UBE2R2: variants seen among roughly 807,000 people sequenced by gnomAD.
UBE2R2 encodes ubiquitin-conjugating enzyme E2 R2.
Under a neutral mutation model 27.8 loss-of-function variants are expected in UBE2R2, and 1 was observed. The ratio of observed to expected loss-of-function variants is 0.04; its 90% CI spans 0.01 to 0.17. UBE2R2 has a LOEUF of 0.17. UBE2R2 is among the 10% of genes least tolerant of loss of function. The probability of loss-of-function intolerance (pLI) is 1.00; values close to 1 mark genes in which losing one functional copy is unlikely to be tolerated. For missense variants in UBE2R2, 100 were observed against 291.0 expected, an observed-to-expected ratio of 0.34 and a Z score of 4.78; for synonymous variants, 106 against 113.3, an observed-to-expected ratio of 0.94 and a Z score of 0.41.
chr9:33,893,056 G>A (rs1301558612), intron 2 of UBE2R2, among the ~76,000 whole-genome samples: 1 of 152,166 alleles, frequency 6.6e-6, no homozygotes, highest in Admixed American at 6.6e-5. Flanking sequence ...CTGGGTGACA[G>A]AGCAAGACTG....
intron 1 of UBE2R2, among the ~76,000 whole-genome samples, chr9:33,879,750 CTTTTTTTTTTTTTTT>C (rs66929161): frequency 1.5e-5 from 1 of 67,364 alleles, no homozygotes; most frequent in Non-Finnish European, 2.9e-5. Flanking sequence ...GGTCACAAGA[CTTTTTTTTTTTTTTT>C]TTTTTTTTGA....
intron 1 of UBE2R2, among the ~76,000 whole-genome samples, chr9:33,819,143 A>C (rs754172656): frequency 1.3e-5 from 2 of 152,198 alleles, no homozygotes; most frequent in Non-Finnish European, 2.9e-5. Context: ...TAAGTAAAAT[A>C]GGCCAGTGAG....
intron 1 of UBE2R2, among the ~76,000 whole-genome samples, chr9:33,885,125 G>A (rs919377694): frequency 6.6e-6 from 1 of 152,146 alleles, no homozygotes; most frequent in African/African-American, 2.4e-5. Flanking sequence ...ATTCAGACAG[G>A]CATTTGCAAA....
intron 1 of UBE2R2, among the ~76,000 whole-genome samples, chr9:33,837,084 T>G (rs1028258965): frequency 4.7e-4 from 72 of 152,344 alleles, no homozygotes; most frequent in African/African-American, 1.7e-3. Flanking sequence ...TTTTCAGCAT[T>G]GGGAAATTTT....
chr9:33,834,546 C>A (rs551546575), intron 1 of UBE2R2, among the ~76,000 whole-genome samples: 1 of 152,048 alleles, frequency 6.6e-6, no homozygotes, highest in South Asian at 2.1e-4. Flanking sequence ...CTTCCATGAC[C>A]TTGTCACGAT....
At chr9:33,875,403 T>C (rs1201943566) in intron 1 of UBE2R2, among the ~76,000 whole-genome samples, 2 of 152,224 alleles carry the variant, frequency 1.3e-5, no homozygotes, top group African/African-American at 4.8e-5. Flanking sequence ...TTATTAATGC[T>C]CCTCAATACA....
chr9:33,843,995 A>G (rs1270628210), intron 1 of UBE2R2, among the ~76,000 whole-genome samples: 1 of 152,198 alleles, frequency 6.6e-6, no homozygotes, highest in Non-Finnish European at 1.5e-5. Flanking sequence ...GCCATTTAGT[A>G]TTCTATAATG....
chr9:33,908,731 A>G lies in UBE2R2; in HGVS notation c.363-3233A>G. On this transcript the variant is annotated intron_variant, in intron 3 of 4. Coordinates refer to ENST00000263228, the MANE Select transcript of UBE2R2 (RefSeq NM_017811.4). The stretch of plus-strand genomic sequence containing the variant: ...GATGTAAGAAAACCAACTAGGTGAA[A>G]GTACTTGTGGGAATTTTTTCTTAAT... Among the ~76,000 whole-genome samples the G allele has an allele frequency of 1.3e-5, 2 of 152,248 alleles. 1 individual carries two copies. The highest frequency in any genetic ancestry group is 1.3e-4 in the Admixed American group (2 of 15,278).
At chr9:33,824,906 C>G (rs1333109960) in intron 1 of UBE2R2, among the ~76,000 whole-genome samples, 1 of 151,606 alleles carries the variant, frequency 6.6e-6, no homozygotes, top group African/African-American at 2.4e-5. Context: ...TCATTGAAAT[C>G]TTTTGGTAAA....
At chr9:33,891,260 C>T (rs964409323) in intron 2 of UBE2R2, among the ~76,000 whole-genome samples, 2 of 151,722 alleles carry the variant, frequency 1.3e-5, no homozygotes, top group Non-Finnish European at 1.5e-5. Flanking sequence ...AGGCTGGTCT[C>T]GAACTTCTGA....
chr9:33,919,612 C>T lies in UBE2R2; in HGVS notation c.*2375C>T. Reference sequence around the variant, plus strand: ...CAGTTCCAGAAGACTGGGTAAGTCTCTTGCTAGCAGGTGGACATTCTGGTA... The same window carrying T: ...CAGTTCCAGAAGACTGGGTAAGTCTTTTGCTAGCAGGTGGACATTCTGGTA... On this transcript the variant is annotated 3_prime_UTR_variant, in exon 5 of 5. Transcript: ENST00000263228. 6.6e-6 allele frequency: 1 copy of T among 152,288 alleles called. No homozygotes were observed. The highest frequency in any genetic ancestry group is 6.5e-5 in the Admixed American group (1 of 15,296). The allele number at this position is 152,288 out of a possible 1,614,324, so 9.4% of individuals were successfully genotyped here.
At chr9:33,893,611 A>G (rs1822034234) in intron 2 of UBE2R2, among the ~76,000 whole-genome samples, 1 of 151,986 alleles carries the variant, frequency 6.6e-6, no homozygotes, top group East Asian at 1.9e-4. Context: ...TTAAATGGGA[A>G]TTCTATGTTT....
rs760246701 is a variant in UBE2R2 at position 33,917,210 on chromosome 9, T to C, written c.690T>C (p.Asp230=). The change falls in exon 5 of 5, where the codon GAT becomes GAC. Residue 230 remains aspartate (D), a synonymous_variant. Coordinates refer to ENST00000263228, the MANE Select transcript of UBE2R2 (RefSeq NM_017811.4). ...AGGAAGATGCCGACTGTTATGATGA[T>C]GATGATTCTGGGAATGAGGAGTCGT... is the stretch of plus-strand genomic sequence containing the variant. ...EEEEDADCYD[D]DDSGNEES 3 of 1,614,196 alleles carry C rather than the reference T, an allele frequency of 1.9e-6. No homozygotes were observed. Among genetic ancestry groups the C allele is most frequent in the Non-Finnish European group, 2.5e-6 (3 of 1,180,048 alleles).
intron 1 of UBE2R2, among the ~76,000 whole-genome samples, chr9:33,841,522 A>G (rs561621410): frequency 6.6e-6 from 1 of 152,182 alleles, no homozygotes; most frequent in South Asian, 2.1e-4. Flanking sequence ...CCAGATTTAT[A>G]ACCTATTATT....
rs1822683783 is a variant in UBE2R2, at chr9:33,917,686, C to T, written c.*449C>T. ...GGTAGCAAAAGAAAATGGAAAAAAA[C>T]CCACAAAACAAACTTTAAAAAAAAA... On this transcript the variant is annotated 3_prime_UTR_variant, in exon 5 of 5. Coordinates refer to ENST00000263228, the MANE Select transcript of UBE2R2 (RefSeq NM_017811.4). 1 of 237,584 alleles carries T rather than the reference C, an allele frequency of 4.2e-6. No homozygotes were observed. The highest frequency in any genetic ancestry group is 8.0e-5 in the East Asian group (1 of 12,432). 14.7% of individuals were successfully genotyped at this position (237,584 alleles called of 1,614,324 possible).
intron 1 of UBE2R2, among the ~76,000 whole-genome samples, chr9:33,828,013 A>C (rs927345852): frequency 2.0e-5 from 3 of 151,398 alleles, no homozygotes; most frequent in African/African-American, 7.3e-5. Context: ...ATAAAATTAA[A>C]AATTAAATTA....
rs1015013367 is a variant in UBE2R2, at chr9:33,860,468, A to C, written c.178-26413A>C. The stretch of plus-strand genomic sequence containing the variant: ...TACCTTTTCCTTTGTTCATTCTTTG[A>C]ATTCTTGTGTGCTTGAAATCAGAAT... On this transcript the variant is annotated intron_variant, in intron 1 of 4. Coordinates refer to ENST00000263228, the MANE Select transcript of UBE2R2 (RefSeq NM_017811.4). Among the ~76,000 whole-genome samples, 3 of 152,232 alleles carry C rather than the reference A, an allele frequency of 2.0e-5. No individual in the cohort carries two copies. The Middle Eastern group carries it at 0.01, about 518-fold the overall frequency.
chr9:33,897,180 G>A (rs1822129890), intron 2 of UBE2R2, among the ~76,000 whole-genome samples: 1 of 151,348 alleles, frequency 6.6e-6, no homozygotes, highest in African/African-American at 2.4e-5. Flanking sequence ...GGGACTACAG[G>A]CGTCTGCCAC....
upstream of UBE2R2, among the ~76,000 whole-genome samples, chr9:33,815,349 T>C (rs1261090819): frequency 6.6e-6 from 1 of 152,222 alleles, no homozygotes; most frequent in Admixed American, 6.5e-5. Context: ...AGCTCATTAA[T>C]TGTAATACAT....
Sources: allele counts gnomAD v4.1 joint callset (sites outside exome capture counted in the v4.1 genomes callset), GRCh38; gene constraint gnomAD v4.1.1; transcripts MANE v1.5; gene names NCBI Gene and HGNC (gene_info 2026-07-23, HGNC 2026-07-21).